EXT2: variants seen among roughly 807,000 people sequenced by gnomAD.
EXT2 encodes the protein exostosin glycosyltransferase 2.
EXT2 carries 53 observed loss-of-function variants against 81.6 expected under a neutral mutation model. That is an observed-to-expected ratio of 0.65 (90% CI 0.52 to 0.82). The LOEUF is 0.82. EXT2 is among the 40% of genes least tolerant of loss of function. The probability of loss-of-function intolerance (pLI) is 0.00; values close to 1 mark genes in which losing one functional copy is unlikely to be tolerated. For missense variants in EXT2, 774 were observed against 910.2 expected (o/e 0.85, Z 1.93); for synonymous variants, 320 against 340.0 (o/e 0.94, Z 0.65).
At chr11:44,186,424 G>T (rs948240317) in intron 8 of EXT2, among the ~76,000 whole-genome samples, 3 of 152,114 alleles carry the variant, frequency 2.0e-5, no homozygotes, top group Admixed American at 2.0e-4. Flanking sequence ...GCCAGATGAG[G>T]GTTCTTATAA....
At chr11:44,153,046 G>A (rs563553867) in intron 7 of EXT2, among the ~76,000 whole-genome samples, 7 of 152,080 alleles carry the variant, frequency 4.6e-5, no homozygotes, top group African/African-American at 7.2e-5. Flanking sequence ...TTTGTTGATA[G>A]CCACAAAATA....
chr11:44,208,352 T>G (rs1443869600), intron 10 of EXT2, among the ~76,000 whole-genome samples: 1 of 152,176 alleles, frequency 6.6e-6, no homozygotes, highest in East Asian at 1.9e-4. Context: ...CTTAAGTATT[T>G]TCAGTTGGTC....
chr11:44,234,086 A>G lies in EXT2; in HGVS notation c.1807-29A>G, dbSNP rs201679753. 198 of 1,613,852 alleles carry G rather than the reference A, an allele frequency of 1.2e-4. 1 individual carries two copies. In the Middle Eastern group the frequency reaches 2.3e-3, roughly 19 times the overall value. On this transcript the variant is annotated intron_variant, in intron 11 of 13. Coordinates refer to ENST00000533608, the MANE Select transcript of EXT2 (RefSeq NM_207122.2). ...AGCTAAAGGGAACTGCTATTTTTGA[A>G]TATTTCTTCTTTCTGTCTCACTTGA...
At chr11:44,124,398 C>T (rs1322534517) in intron 4 of EXT2, among the ~76,000 whole-genome samples, 1 of 150,828 alleles carries the variant, frequency 6.6e-6, no homozygotes, top group Non-Finnish European at 1.5e-5. Flanking sequence ...TCAGATGTAA[C>T]TAAGACAACA....
chr11:44,170,540 A>G (rs1259184943), intron 7 of EXT2, among the ~76,000 whole-genome samples: 2 of 152,192 alleles, frequency 1.3e-5, no homozygotes, highest in Non-Finnish European at 2.9e-5. Context: ...TTAAAAAAAG[A>G]TTAACAAAAT....
rs576013631 is a variant in EXT2, at chr11:44,141,319, G to A, written c.1173+11181G>A. 6.6e-5 allele frequency among the ~76,000 whole-genome samples: 10 copies of A among 152,078 alleles called. No homozygotes were observed. The South Asian group carries it at 1.0e-3, about 16-fold the overall frequency. ...TCAGTACAGGCACAGTTTTTTTTCC[G>A]AATATTTTTGATCTGTGATTGGTTG... On this transcript the variant is annotated intron_variant, in intron 7 of 13. Coordinates refer to ENST00000533608, the MANE Select transcript of EXT2 (RefSeq NM_207122.2).
intron 7 of EXT2, among the ~76,000 whole-genome samples, chr11:44,160,376 G>A (rs1234440090): frequency 3.3e-5 from 5 of 152,202 alleles, no homozygotes; most frequent in Admixed American, 1.3e-4. Flanking sequence ...TGATAAATTG[G>A]AGAAAAGGTG....
At chr11:44,226,253 C>T (rs546661081) in intron 10 of EXT2, among the ~76,000 whole-genome samples, 149 of 152,284 alleles carry the variant, frequency 9.8e-4, no homozygotes, top group Non-Finnish European at 1.3e-3. Flanking sequence ...GGTTTTCCTG[C>T]GTGGCTTATT....
intron 10 of EXT2, among the ~76,000 whole-genome samples, chr11:44,224,620 G>A (rs76307972): frequency 0.022 from 3,319 of 152,092 alleles, 113 homozygotes; most frequent in African/African-American, 0.077. Flanking sequence ...ATGAAATAAC[G>A]CATTAAATAA....
chr11:44,122,059 C>T (rs1954325875), intron 4 of EXT2, among the ~76,000 whole-genome samples: 1 of 152,054 alleles, frequency 6.6e-6, no homozygotes, highest in Admixed American at 6.6e-5. Context: ...CTTGGATGCC[C>T]ACCTGTTTAT....
At chr11:44,121,182 C>A (rs975278769) in intron 4 of EXT2, among the ~76,000 whole-genome samples, 1 of 152,162 alleles carries the variant, frequency 6.6e-6, no homozygotes, top group Non-Finnish European at 1.5e-5. Context: ...AGTAAGGTAG[C>A]CTGGTGCTAC....
At chr11:44,163,097 C>G (rs993759100) in intron 7 of EXT2, among the ~76,000 whole-genome samples, 3 of 152,204 alleles carry the variant, frequency 2.0e-5, no homozygotes, top group Non-Finnish European at 4.4e-5. Context: ...ACTTCCTCTG[C>G]TCTTCTGGAG....
chr11:44,121,980 A>C (rs1954324164), intron 4 of EXT2, among the ~76,000 whole-genome samples: 2 of 151,898 alleles, frequency 1.3e-5, no homozygotes, highest in Non-Finnish European at 2.9e-5. Flanking sequence ...TCCCCACCCG[A>C]CCATGCAGAA....
Position 44,144,207 on chromosome 11 carries a change from A to G in EXT2, c.1173+14069A>G, listed in dbSNP as rs1181298550. Reference sequence around the variant, plus strand: ...TTGTGCTCTTATTTATTTATTTTTGATGACACATCTTGATTAAAGGTTTCC... The same window carrying G: ...TTGTGCTCTTATTTATTTATTTTTGGTGACACATCTTGATTAAAGGTTTCC... On this transcript the variant is annotated intron_variant, in intron 7 of 13. Coordinates refer to ENST00000533608, the MANE Select transcript of EXT2 (RefSeq NM_207122.2). 1.9e-6 allele frequency: 3 copies of G among 1,542,214 alleles called. No individual in the cohort carries two copies. The Admixed American group carries it at 5.0e-5, about 26-fold the overall frequency.
chr11:44,174,996 A>G (rs1438744628), intron 8 of EXT2, among the ~76,000 whole-genome samples: 1 of 152,180 alleles, frequency 6.6e-6, no homozygotes, highest in Non-Finnish European at 1.5e-5. Flanking sequence ...ATCTTACATA[A>G]GGCATTGGAG....
At chr11:44,205,290 T>C (rs569656961) in intron 9 of EXT2, among the ~76,000 whole-genome samples, 2 of 152,248 alleles carry the variant, frequency 1.3e-5, no homozygotes, top group East Asian at 1.9e-4. Flanking sequence ...CTTATTCTTA[T>C]GCTGAGAAGA....
At chr11:44,120,162 T>C (rs1954295851) in intron 4 of EXT2, among the ~76,000 whole-genome samples, 1 of 152,224 alleles carries the variant, frequency 6.6e-6, no homozygotes. Flanking sequence ...ATAATTAGTT[T>C]CAGAGATTAT....
At chr11:44,201,511 T>A (rs1370044096) in intron 9 of EXT2, among the ~76,000 whole-genome samples, 1 of 152,168 alleles carries the variant, frequency 6.6e-6, no homozygotes, top group Non-Finnish European at 1.5e-5. Flanking sequence ...GATTAGTAAT[T>A]TGTCAGAAAT....
intron 7 of EXT2, among the ~76,000 whole-genome samples, chr11:44,156,675 C>G (rs1465957924): frequency 1.3e-5 from 2 of 152,196 alleles, no homozygotes; most frequent in African/African-American, 4.8e-5. Context: ...TTTGAATTCT[C>G]TGTCTGAAAG....
Sources: allele counts gnomAD v4.1 joint callset (sites outside exome capture counted in the v4.1 genomes callset), GRCh38; gene constraint gnomAD v4.1.1; transcripts MANE v1.5; gene names NCBI Gene and HGNC (gene_info 2026-07-23, HGNC 2026-07-21).